COL3A1: variants seen among roughly 807,000 people sequenced by gnomAD.
The protein encoded by COL3A1 is collagen alpha-1(III) chain.
In COL3A1, 46 loss-of-function variants were observed where a neutral mutation model predicts 200.9. The ratio of observed to expected loss-of-function variants is 0.23; its 90% CI spans 0.18 to 0.29. COL3A1 has a LOEUF of 0.29. COL3A1 is among the 10% of genes least tolerant of loss of function. The pLI, the probability that COL3A1 is intolerant of heterozygous loss-of-function variation, is 1.00. For missense variants in COL3A1, 1,367 were observed against 1,917.6 expected (o/e 0.71, Z 5.36); for synonymous variants, 650 against 628.0 (o/e 1.03, Z -0.52).
intron 1 of COL3A1, among the ~76,000 whole-genome samples, chr2:188,975,831 A>C (rs1183488878): frequency 1.3e-5 from 2 of 150,182 alleles, no homozygotes; most frequent in East Asian, 3.9e-4. Flanking sequence ...CCTCCTCCTT[A>C]TCTCTCTCCA....
intron 44 of COL3A1, 49 bp from the exon 45 acceptor site, chr2:189,007,451 C>T: frequency 1.5e-6 from 2 of 1,347,576 alleles, no homozygotes; most frequent in Non-Finnish European, 2.1e-6. Flanking sequence ...TTTTATTTTT[C>T]CAATATGTAT....
Position 189,003,478 on chromosome 2 carries a change from C to A in COL3A1, c.2607+14C>A. The A allele has an allele frequency of 6.2e-7, 1 of 1,611,196 alleles. No homozygotes were observed. The highest frequency in any genetic ancestry group is 2.2e-5 in the East Asian group (1 of 44,826). ...CCTGGTGGACCTGTAAGTATTGATC[C>A]TCTTAACTATTATTGAAAAGCATTA... is the stretch of plus-strand genomic sequence containing the variant. On this transcript the variant is annotated intron_variant, in intron 37 of 50. Coordinates refer to ENST00000304636, the MANE Select transcript of COL3A1 (RefSeq NM_000090.4).
rs1477680857 is a variant in COL3A1, at chr2:188,999,670, CA to C, written c.2229+97del. The C allele has an allele frequency of 9.7e-6, 14 of 1,440,118 alleles. No homozygotes were observed. In the Admixed American group the frequency reaches 2.7e-4, roughly 27 times the overall value. The allele number at this position is 1,440,118 out of a possible 1,614,324, so 89.2% of individuals were successfully genotyped here. A position where few individuals can be genotyped will look rare whatever the true frequency, so the allele number is the denominator to read the frequency against. On this transcript the variant is annotated intron_variant, in intron 31 of 50. Coordinates refer to ENST00000304636, the MANE Select transcript of COL3A1 (RefSeq NM_000090.4). Reference sequence around the variant, plus strand: ...CCTGGAAAGTAATCGACTGTATTTTCAAAATTAATGTTATCATTTTATAGTA... The same window carrying C: ...CCTGGAAAGTAATCGACTGTATTTTCAAATTAATGTTATCATTTTATAGTA...
chr2:189,009,314 G>T, intron 48 of COL3A1, 93 bp downstream of exon 48: 1 of 1,466,842 alleles, frequency 6.8e-7, no homozygotes, highest in Non-Finnish European at 9.5e-7. Flanking sequence ...TACTTTCAAT[G>T]GAAAGCTGAA....
At chr2:188,978,658 T>C (rs1039155994) in intron 1 of COL3A1, among the ~76,000 whole-genome samples, 2 of 151,674 alleles carry the variant, frequency 1.3e-5, no homozygotes, top group African/African-American at 4.8e-5. Flanking sequence ...AGTTGTAAAG[T>C]TTCCAGGTCT....
At chr2:188,989,686 A>C (rs1411565631) in intron 8 of COL3A1, among the ~76,000 whole-genome samples, 1 of 152,190 alleles carries the variant, frequency 6.6e-6, no homozygotes, top group Non-Finnish European at 1.5e-5. Flanking sequence ...ACTGCGGAGA[A>C]GACTCATCCA....
At chr2:188,977,686 A>G (rs964664471) in intron 1 of COL3A1, among the ~76,000 whole-genome samples, 3 of 152,072 alleles carry the variant, frequency 2.0e-5, no homozygotes, top group Non-Finnish European at 4.4e-5. Context: ...TATTCTGTTC[A>G]GTCTTAGATA....
Position 188,984,806 on chromosome 2 carries a change from A to G in COL3A1, c.126A>G (p.Arg42=). The change falls in exon 2 of 51, where the codon AGA becomes AGG. Residue 42 remains arginine (R), a synonymous_variant. Coordinates refer to ENST00000304636, the MANE Select transcript of COL3A1 (RefSeq NM_000090.4). Reference sequence around the variant, plus strand: ...ATCTTGGTCAGTCCTATGCGGATAGAGATGTCTGGAAGCCAGAACCATGCC... The same window carrying G: ...ATCTTGGTCAGTCCTATGCGGATAGGGATGTCTGGAAGCCAGAACCATGCC... ...CSHLGQSYAD[R]DVWKPEPCQI... is the part of the protein sequence containing the mutation. 2.5e-6 allele frequency: 4 copies of G among 1,613,170 alleles called. No individual in the cohort carries two copies. The highest frequency in any genetic ancestry group is 3.4e-6 in the Non-Finnish European group (4 of 1,179,364).
At chr2:188,989,985 C>A (rs1235637371) in intron 8 of COL3A1, 111 bp from the exon 9 acceptor site, 14 of 972,428 alleles carry the variant, frequency 1.4e-5, no homozygotes, top group Non-Finnish European at 2.3e-5. Flanking sequence ...TTTTGTGGAA[C>A]CATTTTAATG....
At chr2:189,005,119 T>A (rs1053416146) in intron 40 of COL3A1, among the ~76,000 whole-genome samples, 2 of 152,192 alleles carry the variant, frequency 1.3e-5, no homozygotes, top group African/African-American at 2.4e-5. Context: ...CTGAATTAGA[T>A]AATCAATGTA....
At position 188,994,953 on chromosome 2, in the gene COL3A1, G is replaced by T. The variant is rs1315241758; in HGVS notation, c.1456-93G>T. The stretch of plus-strand genomic sequence containing the variant: ...GTGTTCAGTGAAAATATTGTTTAAA[G>T]CATTCTATGACATAAAAATATTTGC... On this transcript the variant is annotated intron_variant, in intron 20 of 50. Coordinates refer to ENST00000304636, the MANE Select transcript of COL3A1 (RefSeq NM_000090.4). This position sits in a 1 kb window ranked among gnomAD's most constrained non-coding sequence, Gnocchi z 4.5. 1 of 1,551,126 alleles carries T rather than the reference G, an allele frequency of 6.4e-7. No individual in the cohort carries two copies. The highest frequency in any genetic ancestry group is 1.4e-5 in the African/African-American group (1 of 73,588).
chr2:189,003,547 C>G, intron 37 of COL3A1, 83 bp downstream of exon 37: 1 of 1,419,908 alleles, frequency 7.0e-7, no homozygotes, highest in Admixed American at 1.7e-5. Context: ...GACACTAGTT[C>G]CATAAAGAGA....
At chr2:188,988,197 T>A in intron 6 of COL3A1, 63 bp downstream of exon 6, 2 of 1,402,830 alleles carry the variant, frequency 1.4e-6, no homozygotes, top group Admixed American at 3.4e-5. Flanking sequence ...TAATATATAT[T>A]CTGCTATAAT....
Position 188,999,834 on chromosome 2 carries a change from T to C in COL3A1, c.2230-8T>C. On this transcript the variant is annotated splice_polypyrimidine_tract_variant and splice_region_variant and intron_variant, in intron 31 of 50. Transcript: ENST00000304636. ...TTGAATCTGATGACATTGGCTTTTA[T>C]TTGACAGGGTGAACCAGGCGGTCCA... 1 of 1,593,380 alleles carries C rather than the reference T, an allele frequency of 6.3e-7. No homozygotes were observed. Among genetic ancestry groups the C allele is most frequent in the Non-Finnish European group, 8.5e-7 (1 of 1,170,852 alleles).
chr2:188,996,054 A>G, intron 22 of COL3A1, 71 bp from the exon 23 acceptor site: 9 of 1,415,386 alleles, frequency 6.4e-6, no homozygotes, highest in Non-Finnish European at 9.0e-6. Flanking sequence ...TCAAAATCAT[A>G]CAAATAGTGT....
At chr2:188,996,630 T>A in intron 24 of COL3A1, 134 bp downstream of exon 24, 1 of 728,700 alleles carries the variant, frequency 1.4e-6, no homozygotes, top group Non-Finnish European at 2.3e-6. Context: ...AAATTGCATG[T>A]AGGAAGGGAG....
intron 2 of COL3A1, 46 bp from the exon 3 acceptor site, chr2:188,985,151 T>C (rs762516104): frequency 8.3e-6 from 13 of 1,575,178 alleles, no homozygotes; most frequent in Non-Finnish European, 1.1e-5. Context: ...CTAAATAATA[T>C]GCAAATTCTG....
At position 188,988,570 on chromosome 2, in the gene COL3A1, T is replaced by G; in HGVS notation, c.583-20T>G. The G allele has an allele frequency of 6.4e-7, 1 of 1,558,870 alleles. No individual in the cohort carries two copies. Among genetic ancestry groups the G allele is most frequent in the South Asian group, 1.1e-5 (1 of 88,812 alleles). On this transcript the variant is annotated intron_variant, in intron 6 of 50. Coordinates refer to ENST00000304636, the MANE Select transcript of COL3A1 (RefSeq NM_000090.4). ...GAAGATTTTGTTACTTTAAAATTAT[T>G]TACATATTCTACTCACTAGGGATCT...
In COL3A1 at chr2:188,994,045, C is replaced by T; in HGVS notation, c.1157C>T (p.Pro386Leu). The change falls in exon 17 of 51, where the codon CCT (proline) becomes CTT (leucine). Residue 386 changes from proline to leucine, a missense_variant. Physicochemically the swap from Pro to Leu is moderately conservative, Grantham distance 98 (BLOSUM62 -3). Coordinates refer to ENST00000304636, the MANE Select transcript of COL3A1 (RefSeq NM_000090.4). This position sits in a 1 kb window ranked among gnomAD's most constrained non-coding sequence, Gnocchi z 4.5. ...HAGAQGPPGP[P>L]GINGSPGGKG... Reference sequence around the variant, plus strand: ...TGTTTTTTGTATACTTAGGGCCCTCCTGGGATTAATGGTAGTCCTGGTGGT... The same window carrying T: ...TGTTTTTTGTATACTTAGGGCCCTCTTGGGATTAATGGTAGTCCTGGTGGT... The T allele has an allele frequency of 6.2e-7, 1 of 1,614,010 alleles. No individual in the cohort carries two copies. The highest frequency in any genetic ancestry group is 1.3e-5 in the African/African-American group (1 of 75,026).
Sources: allele counts gnomAD v4.1 joint callset (sites outside exome capture counted in the v4.1 genomes callset), GRCh38; gene constraint gnomAD v4.1.1; non-coding constraint Gnocchi (gnomAD v3.1); transcripts MANE v1.5; gene names NCBI Gene and HGNC (gene_info 2026-07-23, HGNC 2026-07-21).